The following PCDHA9 variants were observed in gnomAD, a reference collection of about 807,000 sequenced individuals.
The protein encoded by PCDHA9 is protocadherin alpha 9, also known as protocadherin alpha-9.
A neutral mutation model predicts 62.0 loss-of-function variants in PCDHA9; 62 were observed. The ratio of observed to expected loss-of-function variants is 1.00; its 90% CI spans 0.81 to 1.23. The LOEUF (loss-of-function observed/expected upper bound fraction) is 1.23, where lower values mean the gene tolerates loss of function less well. Among genes scored for constraint, PCDHA9 ranks in the 50% most tolerant of loss-of-function variants. The pLI is 0.00. For synonymous variants in PCDHA9, 557 were observed against 567.6 expected (o/e 0.98, Z 0.27); for missense variants, 1,205 against 1,249.8 (o/e 0.96, Z 0.54).
chr5:140,967,641 T>C (rs2096165933), intron 1 of PCDHA9: 1 of 1,614,004 alleles, frequency 6.2e-7, no homozygotes, highest in East Asian at 2.2e-5. Context: ...AATGGTGAGC[T>C]CAGGTACTCC....
intron 3 of PCDHA9, among the ~76,000 whole-genome samples, chr5:140,995,073 C>A (rs2097663037): frequency 6.6e-6 from 1 of 152,180 alleles, no homozygotes; most frequent in Non-Finnish European, 1.5e-5. Context: ...CAACCTACAG[C>A]AATCCAAACT....
chr5:140,981,498 T>C (rs1299157295), intron 2 of PCDHA9, among the ~76,000 whole-genome samples: 1 of 152,146 alleles, frequency 6.6e-6, no homozygotes, highest in African/African-American at 2.4e-5. Context: ...TGCTTGAACC[T>C]GGGAGGCAGA....
In PCDHA9 at chr5:140,856,432, C is replaced by T. The variant is rs782418117; in HGVS notation, c.2394+5543C>T. On this transcript the variant is annotated intron_variant, in intron 1 of 3. Transcript: ENST00000532602. ...TGGAAGTGAAGGACATTAACGACAA[C>T]CCGCCCAGGTTCTCCGTAACAGAAC... 1.9e-6 allele frequency: 3 copies of T among 1,598,272 alleles called. No individual in the cohort carries two copies. In the African/African-American group the frequency reaches 4.0e-5, roughly 22 times the overall value.
At chr5:140,902,558 T>G (rs2069554536) in intron 1 of PCDHA9, among the ~76,000 whole-genome samples, 2 of 152,242 alleles carry the variant, frequency 1.3e-5, no homozygotes, top group South Asian at 4.1e-4. Context: ...ACCCAGATTT[T>G]TGAGGGTTTT....
At position 140,927,438 on chromosome 5, in the gene PCDHA9, C is replaced by A. The variant is rs1446762816; in HGVS notation, c.2395-51511C>A. ...GATCGCGGGTTGACGGCAGCGAATACCCGGAGTTGGTGTTGGAGAAAGCAC... is the reference window on the plus strand; with the variant it reads ...GATCGCGGGTTGACGGCAGCGAATAACCGGAGTTGGTGTTGGAGAAAGCAC... On this transcript the variant is annotated intron_variant, in intron 1 of 3. Coordinates refer to ENST00000532602, the MANE Select transcript of PCDHA9 (RefSeq NM_031857.2). 3 of 1,614,032 alleles carry A rather than the reference C, an allele frequency of 1.9e-6. No individual in the cohort carries two copies. The Admixed American group carries it at 5.0e-5, about 27-fold the overall frequency.
intron 1 of PCDHA9, among the ~76,000 whole-genome samples, chr5:140,953,629 T>A (rs547651453): frequency 6.6e-6 from 1 of 152,298 alleles, no homozygotes; most frequent in East Asian, 1.9e-4. Context: ...TTGCTTTATG[T>A]ATTTTGGCCA....
At chr5:140,874,144 T>C (rs1554167057) in intron 1 of PCDHA9, among the ~76,000 whole-genome samples, 2 of 152,244 alleles carry the variant, frequency 1.3e-5, no homozygotes. Context: ...CTTATACTTG[T>C]AGAGCCATTC....
chr5:140,932,002 T>G (rs1305093438), intron 1 of PCDHA9, among the ~76,000 whole-genome samples: 1 of 151,956 alleles, frequency 6.6e-6, no homozygotes, highest in East Asian at 1.9e-4. Flanking sequence ...CTAAGTTCTT[T>G]CATTTTAGTT....
At chr5:140,944,197 T>C (rs1404957342) in intron 1 of PCDHA9, among the ~76,000 whole-genome samples, 2 of 152,120 alleles carry the variant, frequency 1.3e-5, no homozygotes, top group Non-Finnish European at 2.9e-5. Context: ...TTTTGTTTTG[T>C]TTTGTTTTTA....
At chr5:140,866,935 T>C (rs782742299) in intron 1 of PCDHA9, 3 of 152,114 alleles carry the variant, frequency 2.0e-5, no homozygotes, top group African/African-American at 4.8e-5. Context: ...GCGCATAATC[T>C]CTTCACTAGG....
At chr5:140,967,298 G>A in intron 1 of PCDHA9, 1 of 1,612,692 alleles carries the variant, frequency 6.2e-7, no homozygotes, top group Non-Finnish European at 8.5e-7. Flanking sequence ...CCCCGACGTG[G>A]GCGCCAACTC....
At chr5:140,910,925 TA>T (rs2075234137) in intron 1 of PCDHA9, among the ~76,000 whole-genome samples, 2 of 152,226 alleles carry the variant, frequency 1.3e-5, no homozygotes, top group South Asian at 4.2e-4. Flanking sequence ...CTTATATAAA[TA>T]AGAAAGCTCA....
At position 140,854,145 on chromosome 5, in the gene PCDHA9, G is replaced by T. The variant is rs1403834220; in HGVS notation, c.2394+3256G>T. ...CAACTGCATTTCAGCCCGGGTGACA[G>T]CAAGATTCTGTCTCAAAAAAAAAAA... On this transcript the variant is annotated intron_variant, in intron 1 of 3. Coordinates refer to ENST00000532602, the MANE Select transcript of PCDHA9 (RefSeq NM_031857.2). The T allele has an allele frequency of 1.6e-5, 7 of 435,310 alleles. 1 individual carries two copies. The highest frequency in any genetic ancestry group is 2.0e-5 in the Non-Finnish European group (7 of 352,084). The allele number at this position is 435,310 out of a possible 1,614,324, so 27.0% of individuals were successfully genotyped here.
chr5:140,938,500 T>C (rs1450018538), intron 1 of PCDHA9, among the ~76,000 whole-genome samples: 2 of 152,156 alleles, frequency 1.3e-5, no homozygotes, highest in Non-Finnish European at 2.9e-5. Context: ...AGGCATTGAA[T>C]TTATCACATA....
At chr5:140,938,210 T>G (rs1355577102) in intron 1 of PCDHA9, among the ~76,000 whole-genome samples, 2 of 152,140 alleles carry the variant, frequency 1.3e-5, no homozygotes, top group East Asian at 3.8e-4. Flanking sequence ...CCTCCCAAAG[T>G]GCTGGGATTA....
At chr5:140,871,334 T>G (rs1554165439) in intron 1 of PCDHA9, 1 of 1,614,044 alleles carries the variant, frequency 6.2e-7, no homozygotes, top group African/African-American at 1.3e-5. Flanking sequence ...TCCCGCGCGG[T>G]GGGGAGCTGG....
intron 1 of PCDHA9, among the ~76,000 whole-genome samples, chr5:140,897,050 G>A (rs1269082503): frequency 6.6e-6 from 1 of 152,014 alleles, no homozygotes; most frequent in Non-Finnish European, 1.5e-5. Flanking sequence ...CTATTCTGCT[G>A]TCAAATACTA....
rs1310366696 is a variant in PCDHA9 at position 140,890,210 on chromosome 5, T to A, written c.2394+39321T>A. Among the ~76,000 whole-genome samples the A allele has an allele frequency of 5.3e-5, 8 of 152,148 alleles. 1 individual carries two copies. Among genetic ancestry groups the A allele is most frequent in the Admixed American group, 3.3e-4 (5 of 15,270 alleles). On this transcript the variant is annotated intron_variant, in intron 1 of 3. Coordinates refer to ENST00000532602, the MANE Select transcript of PCDHA9 (RefSeq NM_031857.2). ...AACAGAGTTTTTTGTTTTTCTTTTT[T>A]CCCAGAGACCTAGTTGTTAAGCATT... is the stretch of plus-strand genomic sequence containing the variant.
intron 1 of PCDHA9, chr5:140,868,258 G>T (rs2153230939): frequency 6.6e-6 from 1 of 151,964 alleles, no homozygotes; most frequent in East Asian, 1.9e-4. Context: ...TTCCTTTGTG[G>T]ATTCTTTTTT....
Sources: allele counts gnomAD v4.1 joint callset (sites outside exome capture counted in the v4.1 genomes callset), GRCh38; gene constraint gnomAD v4.1.1; transcripts MANE v1.5; gene names NCBI Gene and HGNC (gene_info 2026-07-23, HGNC 2026-07-21).